AGO1: variants seen among roughly 807,000 people sequenced by gnomAD.
AGO1 encodes argonaute RISC component 1, also known as protein argonaute-1.
AGO1 carries 11 observed loss-of-function variants against 109.2 expected under a neutral mutation model. The observed-to-expected ratio is 0.10, with a 90% CI of 0.06 to 0.17. The LOEUF (loss-of-function observed/expected upper bound fraction) is 0.17, where lower values mean the gene tolerates loss of function less well. AGO1 is among the 10% of genes least tolerant of loss of function. AGO1 has a pLI of 1.00. For synonymous variants in AGO1, 422 were observed against 418.6 expected (o/e 1.01, Z -0.10); for missense variants, 574 against 1,140.3 (o/e 0.50, Z 7.15).
At chr1:35,874,467 G>A (rs185839391) in intron 1 of AGO1, among the ~76,000 whole-genome samples, 68 of 152,272 alleles carry the variant, frequency 4.5e-4, no homozygotes, top group Admixed American at 1.4e-3. Flanking sequence ...ATGAGCCAAC[G>A]TGCCCAACCT....
rs1382484440 is a variant in AGO1 at position 35,922,032 on chromosome 1, G to C, written c.*2425G>C. On this transcript the variant is annotated 3_prime_UTR_variant, in exon 19 of 19. Transcript: ENST00000373204. ...GTTCTCCACTTGGATACATTTTGGG[G>C]CTAGGATCAGGGCACTATTCCTGGA... 6.5e-6 allele frequency: 1 copy of C among 152,690 alleles called. No homozygotes were observed. The highest frequency in any genetic ancestry group is 1.5e-5 in the Non-Finnish European group (1 of 68,102). The allele number at this position is 152,690 out of a possible 1,614,324, so 9.5% of individuals were successfully genotyped here. A position where few individuals can be genotyped will look rare whatever the true frequency, so the allele number is the denominator to read the frequency against.
upstream of AGO1, among the ~76,000 whole-genome samples, chr1:35,878,230 C>T (rs987663994): frequency 1.3e-4 from 20 of 151,762 alleles, no homozygotes; most frequent in Admixed American, 6.6e-4. Context: ...ACTTTAGGCA[C>T]CCACCACCAT....
chr1:35,918,330 G>A lies in AGO1; in HGVS notation c.2172G>A (p.Lys724=). Residue 724 remains lysine (K), a synonymous_variant, in exon 17 of 19, where the codon AAG becomes AAA. Coordinates refer to ENST00000373204, the MANE Select transcript of AGO1 (RefSeq NM_012199.5). ...FCADKNERIG[K]SGNIPAGTTV... ...TGTTTGTCTCTATACAGATTGGGAA[G>A]AGTGGTAACATCCCAGCTGGGACCA... The A allele has an allele frequency of 6.2e-7, 1 of 1,613,698 alleles. No homozygotes were observed. Among genetic ancestry groups the A allele is most frequent in the Non-Finnish European group, 8.5e-7 (1 of 1,179,580 alleles).
At chr1:35,904,346 C>T (rs1049330923) in intron 11 of AGO1, among the ~76,000 whole-genome samples, 6 of 152,076 alleles carry the variant, frequency 3.9e-5, no homozygotes, top group Non-Finnish European at 4.4e-5. Flanking sequence ...ACCTCATGAT[C>T]CACCCGCCTC....
intron 7 of AGO1, 27 bp from the exon 8 acceptor site, chr1:35,895,094 AC>A (rs1380146838): frequency 1.3e-6 from 2 of 1,590,050 alleles, no homozygotes; most frequent in East Asian, 2.3e-5. Flanking sequence ...GGGTTATGAC[AC>A]CCCCTTCCTT....
chr1:35,882,811 G>A (rs576997714), upstream of AGO1: 1 of 985,422 alleles, frequency 1.0e-6, no homozygotes, highest in South Asian at 4.7e-5. This position sits in a 1 kb window ranked among gnomAD's most constrained non-coding sequence, Gnocchi z 5.1. Context: ...TGAAGGATGA[G>A]GGTGATTGGG....
At chr1:35,897,640 G>A (rs1645342314) in intron 8 of AGO1, among the ~76,000 whole-genome samples, 1 of 152,134 alleles carries the variant, frequency 6.6e-6, no homozygotes, top group South Asian at 2.1e-4. Flanking sequence ...AGCTACTTGG[G>A]AGGCTGAGGT....
At position 35,883,489 on chromosome 1, in the gene AGO1, T is replaced by C; in HGVS notation, c.25+43T>C. Reference sequence around the variant, plus strand: ...GGGGAACGGTGCATGCTCCAAGGACTGGGGGATCCCGCATGAAAAGCGTGG... The same window carrying C: ...GGGGAACGGTGCATGCTCCAAGGACCGGGGGATCCCGCATGAAAAGCGTGG... On this transcript the variant is annotated intron_variant, in intron 1 of 18. Coordinates refer to ENST00000373204, the MANE Select transcript of AGO1 (RefSeq NM_012199.5). This position sits in a 1 kb window ranked among gnomAD's most constrained non-coding sequence, Gnocchi z 5.4. 2.0e-6 allele frequency: 3 copies of C among 1,516,098 alleles called. No individual in the cohort carries two copies. Among genetic ancestry groups the C allele is most frequent in the Non-Finnish European group, 1.8e-6 (2 of 1,137,494 alleles). 93.9% of individuals were successfully genotyped at this position (1,516,098 alleles called of 1,614,324 possible). A position where few individuals can be genotyped will look rare whatever the true frequency, so the allele number is the denominator to read the frequency against.
At chr1:35,897,931 T>TAAA (rs1645347384) in intron 8 of AGO1, among the ~76,000 whole-genome samples, 1 of 152,228 alleles carries the variant, frequency 6.6e-6, no homozygotes, top group South Asian at 2.1e-4. Flanking sequence ...CCCAACAGCC[T>TAAA]GTAGTAACCA....
Position 35,919,670 on chromosome 1 carries a change from C to A in AGO1, c.*63C>A. 1.3e-6 allele frequency: 2 copies of A among 1,501,766 alleles called. No homozygotes were observed. The highest frequency in any genetic ancestry group is 1.9e-5 in the Admixed American group (1 of 52,468). The allele number at this position is 1,501,766 out of a possible 1,614,324, so 93.0% of individuals were successfully genotyped here. On this transcript the variant is annotated 3_prime_UTR_variant, in exon 19 of 19. Coordinates refer to ENST00000373204, the MANE Select transcript of AGO1 (RefSeq NM_012199.5). This position sits in a 1 kb window ranked among gnomAD's most constrained non-coding sequence, Gnocchi z 6.6. ...TTTCCAAGCCCCAGGAGCTGTGCCA[C>A]CCAAATCCAGAGGAAGCAAGGAGGA...
intron 11 of AGO1, among the ~76,000 whole-genome samples, chr1:35,903,144 C>A (rs1166418702): frequency 1.3e-5 from 2 of 151,538 alleles, no homozygotes; most frequent in Non-Finnish European, 2.9e-5. Flanking sequence ...GTAGCTGGGA[C>A]CACAGGCGCC....
Position 35,926,437 on chromosome 1 carries a change from C to G in AGO1, c.*6830C>G, listed in dbSNP as rs1645928897. The G allele has an allele frequency of 6.6e-6, 1 of 152,062 alleles. No individual in the cohort carries two copies. Among genetic ancestry groups the G allele is most frequent in the Non-Finnish European group, 1.5e-5 (1 of 68,034 alleles). The allele number at this position is 152,062 out of a possible 1,614,324, so 9.4% of individuals were successfully genotyped here. ...GGACTAGCAGTTGCCTTGGGGTAGT[C>G]AGGCTGGGTATTTGTTTGGTATCTC... On this transcript the variant is annotated 3_prime_UTR_variant, in exon 19 of 19. Coordinates refer to ENST00000373204, the MANE Select transcript of AGO1 (RefSeq NM_012199.5).
intron 17 of AGO1, 67 bp from the exon 18 acceptor site, chr1:35,918,988 C>T: frequency 7.2e-7 from 1 of 1,389,428 alleles, no homozygotes; most frequent in Non-Finnish European, 1.0e-6. Context: ...TAACAGTGAT[C>T]CTGTTCCCCT....
intron 12 of AGO1, among the ~76,000 whole-genome samples, chr1:35,913,042 T>C (rs1645667311): frequency 6.6e-6 from 1 of 151,430 alleles, no homozygotes; most frequent in African/African-American, 2.4e-5. Context: ...CTTCTGGATA[T>C]GGAGTCTCAC....
chr1:35,888,310 G>A lies in AGO1; in HGVS notation c.26-117G>A. ...AAGCCCTTGGCTGGGTTGGGTAGCA[G>A]GAAAGAGGCATTCTCTATACTCTCG... On this transcript the variant is annotated intron_variant, in intron 1 of 18. Transcript: ENST00000373204. The surrounding 1 kb of genome is among the most constrained non-coding windows in gnomAD (Gnocchi z 4.1). 9.5e-7 allele frequency: 1 copy of A among 1,055,732 alleles called. No individual in the cohort carries two copies. Among genetic ancestry groups the A allele is most frequent in the Non-Finnish European group, 1.4e-6 (1 of 729,118 alleles). The allele number at this position is 1,055,732 out of a possible 1,614,324, so 65.4% of individuals were successfully genotyped here.
At position 35,902,033 on chromosome 1, in the gene AGO1, G is replaced by A; in HGVS notation, c.1226G>A (p.Arg409Gln). 2 of 1,611,258 alleles carry A rather than the reference G, an allele frequency of 1.2e-6. No individual in the cohort carries two copies. The highest frequency in any genetic ancestry group is 1.7e-6 in the Non-Finnish European group (2 of 1,178,700). Reference protein sequence around the residue: ...VKDDMTEVTGRVLPAPILQYG... With the variant: ...VKDDMTEVTGQVLPAPILQYG... ...GATGACATGACGGAGGTGACAGGGC[G>A]AGTGCTGCCGGCGCCCATCTTGCAG... The change falls in exon 10 of 19, where the codon CGA becomes CAA. Residue 409 changes from arginine (R) to glutamine (Q), a missense_variant. Physicochemically the swap from Arg to Gln is conservative, Grantham distance 43 (BLOSUM62 1). Around this residue, in one of 8 missense-constraint regions of AGO1, gnomAD observed 106 missense variants for 147.8 expected, o/e 0.72. Coordinates refer to ENST00000373204, the MANE Select transcript of AGO1 (RefSeq NM_012199.5).
upstream of AGO1, among the ~76,000 whole-genome samples, chr1:35,882,445 T>C (rs1645046835): frequency 6.6e-6 from 1 of 152,096 alleles, no homozygotes; most frequent in Admixed American, 6.5e-5. This position sits in a 1 kb window ranked among gnomAD's most constrained non-coding sequence, Gnocchi z 5.1. Flanking sequence ...AGTAGAAGGC[T>C]CAGAAGGGAA....
chr1:35,907,523 G>A (rs1196340234), intron 12 of AGO1, among the ~76,000 whole-genome samples: 1 of 152,016 alleles, frequency 6.6e-6, no homozygotes, highest in Non-Finnish European at 1.5e-5. Flanking sequence ...TAATTACTTG[G>A]ACTTTTTGAG....
At chr1:35,911,974 C>A (rs548379109) in intron 12 of AGO1, among the ~76,000 whole-genome samples, 1 of 152,162 alleles carries the variant, frequency 6.6e-6, no homozygotes. Context: ...GCTGACTCAT[C>A]TTCTTGTTCT....
Sources: allele counts gnomAD v4.1 joint callset (sites outside exome capture counted in the v4.1 genomes callset), GRCh38; gene constraint gnomAD v4.1.1; regional missense constraint gnomAD v4.1.1; non-coding constraint Gnocchi (gnomAD v3.1); transcripts MANE v1.5; gene names NCBI Gene and HGNC (gene_info 2026-07-23, HGNC 2026-07-21).